The following HPSE2 variants were observed in gnomAD, a reference collection of about 807,000 sequenced individuals.
HPSE2 encodes the protein inactive heparanase-2.
In HPSE2, 38 loss-of-function variants were observed where a neutral mutation model predicts 60.5. That is an observed-to-expected ratio of 0.63 (90% confidence interval 0.48 to 0.82). HPSE2 has a LOEUF of 0.82. Ranked by LOEUF, HPSE2 falls within the 40% of genes least tolerant of loss-of-function variation. The pLI, the probability that HPSE2 is intolerant of heterozygous loss-of-function variation, is 0.00. For synonymous variants in HPSE2, 295 were observed against 293.2 expected, an observed-to-expected ratio of 1.01 and a Z score of -0.06; for missense variants, 713 against 740.4, an observed-to-expected ratio of 0.96 and a Z score of 0.43.
chr10:98,879,912 C>T (rs1165832639), intron 3 of HPSE2, among the ~76,000 whole-genome samples: 1 of 149,972 alleles, frequency 6.7e-6, no homozygotes, highest in East Asian at 2.0e-4. Context: ...AATCCTACTC[C>T]ACCAGGGAAC....
intron 3 of HPSE2, among the ~76,000 whole-genome samples, chr10:99,055,779 A>G (rs1419320891): frequency 6.6e-6 from 1 of 152,160 alleles, no homozygotes; most frequent in Non-Finnish European, 1.5e-5. Context: ...TAACTGAATA[A>G]TAATAACATA....
At chr10:98,770,658 T>TAC (rs1950221544) in intron 3 of HPSE2, among the ~76,000 whole-genome samples, 2 of 152,038 alleles carry the variant, frequency 1.3e-5, no homozygotes, top group African/African-American at 2.4e-5. Flanking sequence ...CGCCTCCCCT[T>TAC]CCCCCAACCA....
intron 3 of HPSE2, among the ~76,000 whole-genome samples, chr10:99,007,372 T>G (rs1172258076): frequency 6.6e-6 from 1 of 152,164 alleles, no homozygotes; most frequent in African/African-American, 2.4e-5. Context: ...AGTATCTATC[T>G]CCACACTTTG....
At chr10:99,096,001 A>G (rs1370826167) in intron 3 of HPSE2, among the ~76,000 whole-genome samples, 1 of 152,172 alleles carries the variant, frequency 6.6e-6, no homozygotes, top group Admixed American at 6.5e-5. Context: ...ATGCATAAAG[A>G]CCATATGCAA....
chr10:99,050,836 G>T (rs1340921217), intron 3 of HPSE2, among the ~76,000 whole-genome samples: 1 of 152,102 alleles, frequency 6.6e-6, no homozygotes, highest in African/African-American at 2.4e-5. Context: ...GTTACCAAAG[G>T]CTGCAGAGTA....
intron 6 of HPSE2, among the ~76,000 whole-genome samples, chr10:98,656,074 C>T (rs1028356895): frequency 1.3e-5 from 2 of 150,596 alleles, no homozygotes; most frequent in Non-Finnish European, 3.0e-5. Context: ...CATTAGTTTC[C>T]TATTTGAGTT....
At chr10:99,269,990 G>A in the HPSE2 span, among the ~76,000 whole-genome samples, 1 of 152,174 alleles carries the variant, frequency 6.6e-6, no homozygotes, top group African/African-American at 2.4e-5. Context: ...GTGCTAAGAG[G>A]AAAGGTCATA....
At chr10:98,729,178 C>G (rs1299221365) in intron 4 of HPSE2, among the ~76,000 whole-genome samples, 1 of 151,836 alleles carries the variant, frequency 6.6e-6, no homozygotes, top group Non-Finnish European at 1.5e-5. Context: ...TATCAACAAT[C>G]TCAAATAATG....
intron 9 of HPSE2, among the ~76,000 whole-genome samples, chr10:98,541,536 C>T (rs1237606244): frequency 6.6e-6 from 1 of 152,202 alleles, no homozygotes; most frequent in Non-Finnish European, 1.5e-5. Context: ...TCAGGAAGTG[C>T]AAGGGGTCAG....
At chr10:99,262,226 T>C in the HPSE2 span, among the ~76,000 whole-genome samples, 2 of 152,200 alleles carry the variant, frequency 1.3e-5, no homozygotes, top group Non-Finnish European at 2.9e-5. Flanking sequence ...TCCATAACTG[T>C]TGTGGGTATT....
chr10:98,728,638 C>A (rs1188487510), intron 4 of HPSE2, among the ~76,000 whole-genome samples: 1 of 151,910 alleles, frequency 6.6e-6, no homozygotes, highest in African/African-American at 2.4e-5. Flanking sequence ...AACGAACAAA[C>A]CTAGAATTAA....
intron 4 of HPSE2, among the ~76,000 whole-genome samples, chr10:98,740,006 C>G (rs1589742844): frequency 6.6e-6 from 1 of 152,098 alleles, no homozygotes; most frequent in Admixed American, 6.5e-5. Context: ...TTTAGATTCA[C>G]CAATGGTTAA....
chr10:99,027,698 AC>A, intron 3 of HPSE2, among the ~76,000 whole-genome samples: 1 of 147,214 alleles, frequency 6.8e-6, no homozygotes, highest in Non-Finnish European at 1.5e-5. Context: ...CACCACCACC[AC>A]CACCACCACC....
chr10:98,709,065 G>A (rs1312009006), intron 5 of HPSE2, among the ~76,000 whole-genome samples: 8 of 152,040 alleles, frequency 5.3e-5, no homozygotes, highest in African/African-American at 1.7e-4. Context: ...ACACTGTGGA[G>A]GACAATTCCA....
At chr10:98,986,032 C>T (rs1021635792) in intron 3 of HPSE2, among the ~76,000 whole-genome samples, 2 of 152,102 alleles carry the variant, frequency 1.3e-5, no homozygotes, top group Non-Finnish European at 2.9e-5. Flanking sequence ...GACTCCCACA[C>T]AATAATAATG....
chr10:99,222,919 AT>A (rs1310757974), intron 2 of HPSE2, among the ~76,000 whole-genome samples: 5 of 152,260 alleles, frequency 3.3e-5, no homozygotes, highest in African/African-American at 9.6e-5. Flanking sequence ...TATGGCACAC[AT>A]TTTTTTAATG....
At chr10:98,744,514 C>T (rs1047140491) in intron 3 of HPSE2, among the ~76,000 whole-genome samples, 5 of 151,386 alleles carry the variant, frequency 3.3e-5, no homozygotes, top group South Asian at 4.2e-4. Context: ...GCAACAAGAG[C>T]GAAACTCCGT....
chr10:99,137,076 A>T (rs1402053195), intron 3 of HPSE2, among the ~76,000 whole-genome samples: 3 of 152,192 alleles, frequency 2.0e-5, no homozygotes, highest in Non-Finnish European at 4.4e-5. Flanking sequence ...CAAAAATCAC[A>T]AGCATTCCTA....
At chr10:99,272,593 A>G in the HPSE2 span, among the ~76,000 whole-genome samples, 1 of 152,132 alleles carries the variant, frequency 6.6e-6, no homozygotes, top group African/African-American at 2.4e-5. Context: ...AAAAAATCCC[A>G]TCAAAAAGTA....
Sources: gnomAD v4.1 joint callset for allele counts (sites outside exome capture counted in the v4.1 genomes callset) on GRCh38, gnomAD v4.1.1 for gene constraint, MANE v1.5 for transcripts, NCBI Gene and HGNC (gene_info 2026-07-23, HGNC 2026-07-21) for gene names.